Variants in LMBR1 observed in about 807,000 individuals in gnomAD.
The protein encoded by LMBR1 is limb region 1 protein homolog.
In LMBR1, 52 loss-of-function variants were observed where a neutral mutation model predicts 73.9. That is an observed-to-expected ratio of 0.70 (90% CI 0.56 to 0.89). The LOEUF (loss-of-function observed/expected upper bound fraction) is 0.89, where lower values mean the gene tolerates loss of function less well. Ranked by LOEUF, LMBR1 falls within the 40% of genes least tolerant of loss-of-function variation. LMBR1 has a pLI of 0.00. For missense variants in LMBR1, 539 were observed against 579.8 expected, an observed-to-expected ratio of 0.93 and a Z score of 0.72; for synonymous variants, 215 against 209.4, an observed-to-expected ratio of 1.03 and a Z score of -0.23.
intron 1 of LMBR1, among the ~76,000 whole-genome samples, chr7:156,879,686 G>T (rs1215251638): frequency 1.3e-5 from 2 of 148,300 alleles, no homozygotes; most frequent in South Asian, 2.1e-4. Flanking sequence ...AAAAAAGTGG[G>T]CTAAGGACAT....
chr7:156,792,600 A>G (rs1446320930), intron 5 of LMBR1, among the ~76,000 whole-genome samples: 3 of 152,254 alleles, frequency 2.0e-5, no homozygotes, highest in Non-Finnish European at 4.4e-5. Context: ...CTGCCACGGT[A>G]AGAAGAGAGA....
chr7:156,870,687 C>T (rs1211620074), intron 1 of LMBR1, among the ~76,000 whole-genome samples: 2 of 151,792 alleles, frequency 1.3e-5, no homozygotes, highest in Admixed American at 1.3e-4. Flanking sequence ...CTGGTGTGAA[C>T]CCAGGAGGCA....
intron 1 of LMBR1, among the ~76,000 whole-genome samples, chr7:156,890,811 T>C (rs548160696): frequency 2.0e-5 from 3 of 152,052 alleles, no homozygotes; most frequent in African/African-American, 7.2e-5. Flanking sequence ...GATGAACAAA[T>C]GCACACTCTT....
intron 5 of LMBR1, among the ~76,000 whole-genome samples, chr7:156,773,146 AG>A (rs1160211474): frequency 6.6e-6 from 1 of 152,188 alleles, no homozygotes; most frequent in East Asian, 1.9e-4. Context: ...CTAGTCAGGG[AG>A]GTGAAAGGTC....
intron 1 of LMBR1, among the ~76,000 whole-genome samples, chr7:156,888,521 A>G (rs1387703275): frequency 6.6e-6 from 1 of 152,208 alleles, no homozygotes; most frequent in African/African-American, 2.4e-5. Flanking sequence ...TGATCACAGC[A>G]GCATTATTCA....
At chr7:156,751,899 C>G (rs947274243) in intron 9 of LMBR1, among the ~76,000 whole-genome samples, 28 of 152,188 alleles carry the variant, frequency 1.8e-4, no homozygotes, top group Admixed American at 5.2e-4. Context: ...ACAGTTAGAT[C>G]TTTAAGTTCA....
intron 8 of LMBR1, among the ~76,000 whole-genome samples, 182 bp downstream of exon 8, chr7:156,761,952 G>A (rs557370204): frequency 1.4e-5 from 2 of 138,884 alleles, no homozygotes; most frequent in South Asian, 4.5e-4. Context: ...ACTCCAGCCT[G>A]GGCGACAGAG....
Position 156,688,019 on chromosome 7 carries a change from C to G in LMBR1, c.1387+11G>C. On this transcript the variant is annotated intron_variant, in intron 16 of 16. Coordinates refer to ENST00000353442, the MANE Select transcript of LMBR1 (RefSeq NM_022458.4). ...GAAAGAGGAAAAAATACCCATAAAC[C>G]TCAGGATTACCTAGGGCCTTGAAAA... 1 of 1,562,584 alleles carries G rather than the reference C, an allele frequency of 6.4e-7. No individual in the cohort carries two copies. The highest frequency in any genetic ancestry group is 8.6e-7 in the Non-Finnish European group (1 of 1,160,622).
chr7:156,853,430 T>A (rs1796523865), intron 1 of LMBR1, among the ~76,000 whole-genome samples: 1 of 152,088 alleles, frequency 6.6e-6, no homozygotes, highest in South Asian at 2.1e-4. Context: ...GCACTATCCC[T>A]TATGATCTCA....
chr7:156,696,005 C>A (rs1327809714), intron 15 of LMBR1, among the ~76,000 whole-genome samples: 2 of 152,010 alleles, frequency 1.3e-5, no homozygotes, highest in Non-Finnish European at 2.9e-5. Context: ...AACTGGCAAC[C>A]AGTATGGAAA....
chr7:156,854,352 C>T (rs956097387), intron 1 of LMBR1, among the ~76,000 whole-genome samples: 14 of 152,168 alleles, frequency 9.2e-5, no homozygotes, highest in African/African-American at 3.4e-4. Flanking sequence ...AGTCTAGTCT[C>T]AGGGGGGACT....
chr7:156,731,351 T>C (rs941667262), intron 10 of LMBR1, among the ~76,000 whole-genome samples: 10 of 152,194 alleles, frequency 6.6e-5, no homozygotes, highest in Non-Finnish European at 1.5e-4. Flanking sequence ...AAGCAATATC[T>C]GATAAGACAA....
At chr7:156,720,676 G>C (rs1814352445) in intron 15 of LMBR1, among the ~76,000 whole-genome samples, 1 of 150,860 alleles carries the variant, frequency 6.6e-6, no homozygotes, top group Non-Finnish European at 1.5e-5. Context: ...AAATAATAAA[G>C]TTAATAATAA....
At chr7:156,673,349 A>C (rs900858174), downstream of LMBR1, among the ~76,000 whole-genome samples, 7 of 152,240 alleles carry the variant, frequency 4.6e-5, no homozygotes, top group African/African-American at 1.7e-4. Context: ...TATATTTCCA[A>C]GTAATTTTTC....
chr7:156,718,710 T>C (rs961646678), intron 15 of LMBR1, among the ~76,000 whole-genome samples: 3 of 152,142 alleles, frequency 2.0e-5, no homozygotes. Context: ...GCACTCCAGC[T>C]TGGGTAACAG....
intron 1 of LMBR1, among the ~76,000 whole-genome samples, chr7:156,861,878 C>A (rs977805559): frequency 2.6e-5 from 4 of 152,184 alleles, no homozygotes; most frequent in Admixed American, 1.3e-4. Flanking sequence ...ATTCCACTGT[C>A]CATATCATTA....
rs184612393 is a variant in LMBR1 at position 156,779,825 on chromosome 7, A to G, written c.424-16030T>C. The G allele has an allele frequency of 4.8e-4, 218 of 452,778 alleles. 2 individuals are homozygous for G. Among genetic ancestry groups the G allele is most frequent in the Non-Finnish European group, 8.8e-5 (22 of 250,128 alleles). The allele number at this position is 452,778 out of a possible 1,614,324, so 28.0% of individuals were successfully genotyped here. On this transcript the variant is annotated intron_variant, in intron 5 of 16. Transcript: ENST00000353442. ...TACATTCACAGAACATTTAAAATAA[A>G]TATCAAGCTATTGTTTTCACTTAAC...
chr7:156,723,435 T>A (rs1207733240), intron 15 of LMBR1, among the ~76,000 whole-genome samples: 1 of 152,140 alleles, frequency 6.6e-6, no homozygotes, highest in African/African-American at 2.4e-5. Context: ...TAATGGAAAC[T>A]TTTGTCTGAA....
chr7:156,807,602 T>C (rs1217899091), intron 4 of LMBR1, among the ~76,000 whole-genome samples: 2 of 152,216 alleles, frequency 1.3e-5, no homozygotes, highest in African/African-American at 2.4e-5. Flanking sequence ...TTTATCAATT[T>C]CAGTGTTCTT....
Sources: allele counts gnomAD v4.1 joint callset (sites outside exome capture counted in the v4.1 genomes callset), GRCh38; gene constraint gnomAD v4.1.1; transcripts MANE v1.5; gene names NCBI Gene and HGNC (gene_info 2026-07-23, HGNC 2026-07-21).